Variants in MCTP1 observed in about 807,000 individuals in gnomAD.
MCTP1 encodes multiple C2 and transmembrane domain containing 1.
A neutral mutation model predicts 120.6 loss-of-function variants in MCTP1; 69 were observed. The ratio of observed to expected loss-of-function variants is 0.57; its 90% CI spans 0.47 to 0.70. The LOEUF (loss-of-function observed/expected upper bound fraction) is 0.70. MCTP1 is among the 30% of genes least tolerant of loss of function. The probability of loss-of-function intolerance (pLI) is 0.00; values close to 1 mark genes in which losing one functional copy is unlikely to be tolerated. For synonymous variants in MCTP1, 529 were observed against 493.1 expected, an observed-to-expected ratio of 1.07 and a Z score of -0.96; for missense variants, 1,203 against 1,248.8, an observed-to-expected ratio of 0.96 and a Z score of 0.55.
intron 1 of MCTP1, among the ~76,000 whole-genome samples, chr5:95,050,650 C>T (rs1434109755): frequency 6.6e-6 from 1 of 152,178 alleles, no homozygotes; most frequent in African/African-American, 2.4e-5. Flanking sequence ...CAGGATCTTC[C>T]CATAAAGTTG....
intron 17 of MCTP1, among the ~76,000 whole-genome samples, chr5:94,862,669 T>C (rs1226076637): frequency 2.6e-5 from 4 of 151,808 alleles, no homozygotes; most frequent in African/African-American, 9.7e-5. Flanking sequence ...CTTATACTCT[T>C]TGGGGGCCTT....
chr5:95,166,848 T>A (rs1472131434), intron 1 of MCTP1, among the ~76,000 whole-genome samples: 2 of 152,044 alleles, frequency 1.3e-5, no homozygotes, highest in African/African-American at 2.4e-5. Flanking sequence ...ATTACAGGCG[T>A]GAGCCACTGT....
At chr5:95,140,727 A>C (rs1472484014) in intron 1 of MCTP1, among the ~76,000 whole-genome samples, 1 of 124,888 alleles carries the variant, frequency 8.0e-6, no homozygotes, top group African/African-American at 2.9e-5. Context: ...AAAAAAAAAA[A>C]AAATTAGCCG....
At chr5:94,836,396 A>T (rs1283125985) in intron 17 of MCTP1, among the ~76,000 whole-genome samples, 2 of 152,124 alleles carry the variant, frequency 1.3e-5, no homozygotes, top group Non-Finnish European at 2.9e-5. Flanking sequence ...ATAAAACATG[A>T]TACGGTATTG....
intron 17 of MCTP1, among the ~76,000 whole-genome samples, chr5:94,845,406 A>C (rs1792104072): frequency 6.6e-6 from 1 of 152,200 alleles, no homozygotes; most frequent in African/African-American, 2.4e-5. Flanking sequence ...CCCATGATTC[A>C]ATTACTTCCC....
chr5:94,861,789 G>A (rs544019990), intron 17 of MCTP1, among the ~76,000 whole-genome samples: 1 of 151,804 alleles, frequency 6.6e-6, no homozygotes, highest in African/African-American at 2.4e-5. Flanking sequence ...ATAATTTTTT[G>A]ATCCTTAGTC....
intron 1 of MCTP1, among the ~76,000 whole-genome samples, chr5:95,282,827 C>T (rs1470834747): frequency 2.6e-5 from 4 of 152,214 alleles, no homozygotes; most frequent in Admixed American, 2.0e-4. Context: ...TATCTATTCC[C>T]GTATCTTACC....
At chr5:95,233,879 A>C (rs1437363940) in intron 1 of MCTP1, among the ~76,000 whole-genome samples, 1 of 152,160 alleles carries the variant, frequency 6.6e-6, no homozygotes, top group Non-Finnish European at 1.5e-5. Context: ...GAAAAAAGGA[A>C]ACAGCAAAGA....
chr5:94,867,830 A>G (rs1797108583), intron 17 of MCTP1: 1 of 159,782 alleles, frequency 6.3e-6, no homozygotes, highest in South Asian at 1.9e-4. Flanking sequence ...TCTCAGAAAT[A>G]ATAAAACATC....
At position 94,908,741 on chromosome 5, in the gene MCTP1, C is replaced by A. The variant is rs191385027; in HGVS notation, c.1652+510G>T. Among the ~76,000 whole-genome samples the A allele has an allele frequency of 4.6e-5, 7 of 152,114 alleles. No individual in the cohort carries two copies. In the East Asian group the frequency reaches 1.4e-3, roughly 29 times the overall value. Reference sequence around the variant, plus strand: ...AAGCCTCAGAATACTCCTTTCTTTACTGTGCTATCAGATTAACATGGATCT... The same window carrying A: ...AAGCCTCAGAATACTCCTTTCTTTAATGTGCTATCAGATTAACATGGATCT... On this transcript the variant is annotated intron_variant, in intron 10 of 22. Coordinates refer to ENST00000515393, the MANE Select transcript of MCTP1 (RefSeq NM_024717.7).
At chr5:95,216,818 C>T (rs972162094) in intron 1 of MCTP1, among the ~76,000 whole-genome samples, 1 of 152,206 alleles carries the variant, frequency 6.6e-6, no homozygotes, top group African/African-American at 2.4e-5. Context: ...GCAACTGTCC[C>T]TTCCTGACTT....
chr5:94,909,790 G>T (rs530906674), intron 9 of MCTP1, among the ~76,000 whole-genome samples: 2 of 152,046 alleles, frequency 1.3e-5, no homozygotes, highest in African/African-American at 4.8e-5. Context: ...GATTTTCAGA[G>T]TTTGTTTTTT....
chr5:95,080,388 G>A (rs925014282), intron 1 of MCTP1, among the ~76,000 whole-genome samples: 1 of 152,134 alleles, frequency 6.6e-6, no homozygotes, highest in African/African-American at 2.4e-5. Flanking sequence ...TTAAAATACT[G>A]CCTTCAAATA....
chr5:94,950,716 G>A (rs1013521530), intron 3 of MCTP1, among the ~76,000 whole-genome samples: 2 of 152,000 alleles, frequency 1.3e-5, no homozygotes, highest in African/African-American at 4.8e-5. Flanking sequence ...CACTTTGGGA[G>A]GCCGAGGAGG....
At chr5:95,153,467 T>C (rs1422039240) in intron 1 of MCTP1, among the ~76,000 whole-genome samples, 1 of 152,190 alleles carries the variant, frequency 6.6e-6, no homozygotes, top group East Asian at 1.9e-4. Flanking sequence ...CCAGTTCAAC[T>C]AGCAGGCCCA....
At chr5:95,177,811 T>C (rs546721484) in intron 1 of MCTP1, among the ~76,000 whole-genome samples, 24 of 152,264 alleles carry the variant, frequency 1.6e-4, no homozygotes, top group African/African-American at 5.8e-4. Flanking sequence ...GTTGAGATCA[T>C]ATAAGGAATT....
intron 17 of MCTP1, among the ~76,000 whole-genome samples, chr5:94,828,864 G>A (rs1787847516): frequency 6.6e-6 from 1 of 152,202 alleles, no homozygotes. Context: ...TCAAGCCAGT[G>A]GATCTTAGCT....
intron 1 of MCTP1, among the ~76,000 whole-genome samples, chr5:95,230,438 C>T (rs781630293): frequency 3.3e-5 from 5 of 152,084 alleles, no homozygotes; most frequent in Non-Finnish European, 7.4e-5. Context: ...CACTTTTAAC[C>T]ACTGCCTTGT....
At chr5:95,171,135 C>G (rs1352903618) in intron 1 of MCTP1, among the ~76,000 whole-genome samples, 1 of 151,938 alleles carries the variant, frequency 6.6e-6, no homozygotes, top group Non-Finnish European at 1.5e-5. Flanking sequence ...GCATTTGCTT[C>G]TCTGTAAAGG....
Sources: allele counts gnomAD v4.1 joint callset (sites outside exome capture counted in the v4.1 genomes callset), GRCh38; gene constraint gnomAD v4.1.1; transcripts MANE v1.5; gene names NCBI Gene and HGNC (gene_info 2026-07-23, HGNC 2026-07-21).